ZNF385A: variants seen among roughly 807,000 people sequenced by gnomAD.
The protein encoded by ZNF385A is hematopoietic zinc finger protein.
ZNF385A carries 14 observed loss-of-function variants against 32.1 expected under a neutral mutation model. That is an observed-to-expected ratio of 0.44 (90% CI 0.29 to 0.68). The LOEUF is 0.68. Ranked by LOEUF, ZNF385A falls within the 30% of genes least tolerant of loss-of-function variation. The probability of loss-of-function intolerance (pLI) is 0.14; values close to 1 mark genes in which losing one functional copy is unlikely to be tolerated. For synonymous variants in ZNF385A, 197 were observed against 202.7 expected, an observed-to-expected ratio of 0.97 and a Z score of 0.24; for missense variants, 406 against 478.4, an observed-to-expected ratio of 0.85 and a Z score of 1.41.
intron 3 of ZNF385A, among the ~76,000 whole-genome samples, chr12:54,372,708 T>C (rs1427445763): frequency 6.6e-6 from 1 of 152,206 alleles, no homozygotes; most frequent in East Asian, 1.9e-4. Context: ...CAAACTAAGA[T>C]GATCAGGCTA....
intron 2 of ZNF385A, among the ~76,000 whole-genome samples, chr12:54,374,424 G>A (rs1189980547): frequency 1.3e-5 from 2 of 152,098 alleles, no homozygotes; most frequent in African/African-American, 4.8e-5. Flanking sequence ...AGTCCTGGTA[G>A]AGACAGGGGG....
Position 54,370,051 on chromosome 12 carries a change from T to G in ZNF385A, c.*205A>C, listed in dbSNP as rs1954432343. 2 of 421,670 alleles carry G rather than the reference T, an allele frequency of 4.7e-6. No homozygotes were observed. Among genetic ancestry groups the G allele is most frequent in the South Asian group, 8.9e-5 (1 of 11,202 alleles). The allele number at this position is 421,670 out of a possible 1,614,324, so 26.1% of individuals were successfully genotyped here. ...GGAGAGGGAAAGGCAGGGGGCGGGG[T>G]TCCCTGAGATCTGGGGTGTTCCCCC... On this transcript the variant is annotated 3_prime_UTR_variant, in exon 7 of 7. Transcript: ENST00000394313. This position sits in a 1 kb window ranked among gnomAD's most constrained non-coding sequence, Gnocchi z 5.5.
intron 1 of ZNF385A, among the ~76,000 whole-genome samples, chr12:54,383,960 A>C (rs1285294375): frequency 6.6e-6 from 1 of 152,282 alleles, no homozygotes; most frequent in African/African-American, 2.4e-5. Flanking sequence ...TTAAATCTAG[A>C]CCACCTTGCC....
At chr12:54,379,159 C>T (rs1955004360) in intron 1 of ZNF385A, 2 of 980,560 alleles carry the variant, frequency 2.0e-6, no homozygotes, top group Non-Finnish European at 2.4e-6. Flanking sequence ...GCCAGGGACG[C>T]GGCGCTCGTT....
chr12:54,379,243 C>A, intron 1 of ZNF385A: 1 of 975,116 alleles, frequency 1.0e-6, no homozygotes, highest in Non-Finnish European at 1.2e-6. Context: ...GGCCGGAGCC[C>A]GCCCCGGAGG....
intron 1 of ZNF385A, among the ~76,000 whole-genome samples, chr12:54,377,715 A>C (rs2137227307): frequency 6.6e-6 from 1 of 152,266 alleles, no homozygotes; most frequent in African/African-American, 2.4e-5. Flanking sequence ...CCAGGCCTTA[A>C]TCCTTCCTAT....
At chr12:54,378,615 C>A (rs192875001) in intron 1 of ZNF385A, among the ~76,000 whole-genome samples, 66 of 151,990 alleles carry the variant, frequency 4.3e-4, no homozygotes, top group African/African-American at 1.5e-3. Flanking sequence ...AAAATTAAGA[C>A]GAAAAGGGAA....
chr12:54,369,949 G>A lies in ZNF385A; in HGVS notation c.*307C>T. The A allele has an allele frequency of 3.2e-6, 1 of 315,356 alleles. No homozygotes were observed. The highest frequency in any genetic ancestry group is 5.8e-6 in the Non-Finnish European group (1 of 171,304). The allele number at this position is 315,356 out of a possible 1,614,324, so 19.5% of individuals were successfully genotyped here. On this transcript the variant is annotated 3_prime_UTR_variant, in exon 7 of 7. Coordinates refer to ENST00000394313, the MANE Select transcript of ZNF385A (RefSeq NM_015481.3). ...TTTTGTGCTAGGTTTGGGGGGAAGGGCTGGATGGACATGGCTTTTGGGAGG... is the reference window on the plus strand; with the variant it reads ...TTTTGTGCTAGGTTTGGGGGGAAGGACTGGATGGACATGGCTTTTGGGAGG...
rs372060848 is a variant in ZNF385A, at chr12:54,371,721, G to T, written c.362-6C>A. 7 of 1,611,376 alleles carry T rather than the reference G, an allele frequency of 4.3e-6. No individual in the cohort carries two copies. The highest frequency in any genetic ancestry group is 5.9e-6 in the Non-Finnish European group (7 of 1,179,248). ...CAGTCCATTCTCCATGGAAACTGTTGTTGGGGGAGAAACATGGGGATCACC... is the reference window on the plus strand; with the variant it reads ...CAGTCCATTCTCCATGGAAACTGTTTTTGGGGGAGAAACATGGGGATCACC... On this transcript the variant is annotated splice_region_variant and splice_polypyrimidine_tract_variant and intron_variant, in intron 3 of 6. Coordinates refer to ENST00000394313, the MANE Select transcript of ZNF385A (RefSeq NM_015481.3).
chr12:54,383,827 G>A (rs571135694), intron 1 of ZNF385A, among the ~76,000 whole-genome samples: 4 of 152,358 alleles, frequency 2.6e-5, no homozygotes, highest in African/African-American at 7.2e-5. Flanking sequence ...TGGGGAGGTG[G>A]AGGCTGCAGT....
chr12:54,388,049 G>GTC (rs1955540510), upstream of ZNF385A, among the ~76,000 whole-genome samples: 1 of 112,976 alleles, frequency 8.9e-6, no homozygotes, highest in South Asian at 4.3e-4. Flanking sequence ...GTGTGTAAGT[G>GTC]TGTGTGTGTG....
At chr12:54,381,223 A>AG (rs1471234136) in intron 1 of ZNF385A, 10 of 146,316 alleles carry the variant, frequency 6.8e-5, no homozygotes, top group Admixed American at 2.0e-4. Context: ...AAAGAAAAAA[A>AG]GAAAAAAAGA....
In ZNF385A at chr12:54,375,909, G is replaced by T. The variant is rs747996419; in HGVS notation, c.133C>A (p.Pro45Thr). The change falls in exon 2 of 7, where the codon CCC (proline) becomes ACC (threonine). Residue 45 changes from proline to threonine, a missense_variant. Physicochemically the swap from Pro to Thr is conservative, Grantham distance 38. Transcript: ENST00000394313. ...KAVLSHTFGG[P>T]LLKTKRPVIS... ...ACGGGCCGCTTGGTCTTGAGCAAGG[G>T]TCCCCCAAAAGTGTGGGAGAGCACA... 6.2e-7 allele frequency: 1 copy of T among 1,614,130 alleles called. No homozygotes were observed.
Position 54,384,636 on chromosome 12 carries a change from C to A in ZNF385A, c.-122G>T. The A allele has an allele frequency of 7.0e-7, 1 of 1,422,304 alleles. No homozygotes were observed. The highest frequency in any genetic ancestry group is 3.1e-5 in the Admixed American group (1 of 32,352). The allele number at this position is 1,422,304 out of a possible 1,614,324, so 88.1% of individuals were successfully genotyped here. ...GGGAACCCCACCCAAGCCTGCCAGT[C>A]CCACTCCCTAGCCAGGGCCCCCACA... is the stretch of plus-strand genomic sequence containing the variant. On this transcript the variant is annotated 5_prime_UTR_variant, in exon 1 of 7. Transcript: ENST00000394313.
At chr12:54,371,847 T>G in intron 3 of ZNF385A, 132 bp from the exon 4 acceptor site, 19 of 1,273,996 alleles carry the variant, frequency 1.5e-5, no homozygotes, top group Middle Eastern at 2.6e-4. Context: ...ACATGCATGC[T>G]CTCATGCCCT....
Position 54,370,758 on chromosome 12 carries a change from G to T in ZNF385A, c.775-37C>A. ...AGTGGATAGGGGGCTGTGAGCTCCC[G>T]GAAAGGGGCAACAGCGAGGGAGTAT... On this transcript the variant is annotated intron_variant, in intron 5 of 6. Transcript: ENST00000394313. The surrounding 1 kb of genome is among the most constrained non-coding windows in gnomAD (Gnocchi z 5.5). The T allele has an allele frequency of 6.3e-7, 1 of 1,576,692 alleles. No individual in the cohort carries two copies. Among genetic ancestry groups the T allele is most frequent in the Non-Finnish European group, 8.6e-7 (1 of 1,164,270 alleles).
In ZNF385A at chr12:54,369,908, T is replaced by G; in HGVS notation, c.*348A>C. 4.6e-6 allele frequency: 1 copy of G among 219,366 alleles called. No individual in the cohort carries two copies. Among genetic ancestry groups the G allele is most frequent in the Non-Finnish European group, 9.0e-6 (1 of 111,522 alleles). 13.6% of individuals were successfully genotyped at this position (219,366 alleles called of 1,614,324 possible). A position where few individuals can be genotyped will look rare whatever the true frequency, so the allele number is the denominator to read the frequency against. ...TTCTGTCCCCCCCGGACCCCGACCA[T>G]GGCTTGTGAACCCCGTTTTGTGCTA... is the stretch of plus-strand genomic sequence containing the variant. On this transcript the variant is annotated 3_prime_UTR_variant, in exon 7 of 7. Coordinates refer to ENST00000394313, the MANE Select transcript of ZNF385A (RefSeq NM_015481.3).
intron 1 of ZNF385A, among the ~76,000 whole-genome samples, chr12:54,378,320 C>T (rs996494050): frequency 5.3e-5 from 8 of 152,168 alleles, no homozygotes; most frequent in Non-Finnish European, 8.8e-5. Context: ...AAAGCCAGCA[C>T]CTCCCAGAGC....
chr12:54,382,246 T>TG (rs1955229903), intron 1 of ZNF385A, among the ~76,000 whole-genome samples: 1 of 11,818 alleles, frequency 8.5e-5, no homozygotes, highest in Admixed American at 4.4e-4. Context: ...TTTTTGTTGT[T>TG]TTTTTTTTTA....
Sources: allele counts gnomAD v4.1 joint callset (sites outside exome capture counted in the v4.1 genomes callset), GRCh38; gene constraint gnomAD v4.1.1; non-coding constraint Gnocchi (gnomAD v3.1); transcripts MANE v1.5; gene names NCBI Gene and HGNC (gene_info 2026-07-23, HGNC 2026-07-21).